TMEM232: variants seen among roughly 807,000 people sequenced by gnomAD.
TMEM232 encodes the protein transmembrane protein 232.
Under a neutral mutation model 78.8 loss-of-function variants are expected in TMEM232, and 80 were observed. The observed-to-expected ratio is 1.01, with a 90% CI of 0.85 to 1.22. TMEM232 has a LOEUF of 1.22. Among genes scored for constraint, TMEM232 ranks in the 50% most tolerant of loss-of-function variants. The probability of loss-of-function intolerance (pLI) is 0.00; values close to 1 mark genes in which losing one functional copy is unlikely to be tolerated. For synonymous variants in TMEM232, 297 were observed against 254.3 expected, an observed-to-expected ratio of 1.17 and a Z score of -1.60; for missense variants, 881 against 742.2, an observed-to-expected ratio of 1.19 and a Z score of -2.17.
chr5:110,428,528 T>C lies in TMEM232; in HGVS notation c.1704-3612A>G, dbSNP rs114579511. On this transcript the variant is annotated intron_variant, in intron 12 of 13. Transcript: ENST00000455884. ...CTGTGGGAGGTCTAGGAGCCTAACT[T>C]AGGTAAGTGACAACAGCAAACACAT... Among the ~76,000 whole-genome samples, 721 of 151,838 alleles carry C rather than the reference T, an allele frequency of 4.7e-3. 7 individuals carry two copies. Among genetic ancestry groups the C allele is most frequent in the African/African-American group, 0.016 (679 of 41,480 alleles).
At chr5:110,676,171 C>G (rs1054531927) in intron 1 of TMEM232, among the ~76,000 whole-genome samples, 16 of 152,198 alleles carry the variant, frequency 1.1e-4, no homozygotes, top group African/African-American at 3.9e-4. Context: ...ATTCCTCCAT[C>G]AATGGACACT....
chr5:110,507,380 C>T (rs1767033661), intron 12 of TMEM232, among the ~76,000 whole-genome samples: 1 of 152,174 alleles, frequency 6.6e-6, no homozygotes, highest in Non-Finnish European at 1.5e-5. Context: ...ATGATGATTG[C>T]TGCTGCCACT....
intron 10 of TMEM232, among the ~76,000 whole-genome samples, chr5:110,589,345 C>A (rs6881177): frequency 1.3e-5 from 2 of 151,960 alleles, no homozygotes; most frequent in African/African-American, 2.4e-5. Context: ...TTCTAGAAAA[C>A]GCCCAGGAAC....
chr5:110,656,782 G>A (rs554239561), intron 2 of TMEM232, among the ~76,000 whole-genome samples: 5 of 151,396 alleles, frequency 3.3e-5, no homozygotes, highest in Admixed American at 1.3e-4. Flanking sequence ...AGCTTGCAGT[G>A]AGCCGACACT....
chr5:110,621,855 G>C (rs1020266096), intron 7 of TMEM232, among the ~76,000 whole-genome samples: 6 of 152,090 alleles, frequency 3.9e-5, no homozygotes, highest in African/African-American at 1.2e-4. Flanking sequence ...ACTTTGAGAA[G>C]CCCACCTACA....
Position 110,643,989 on chromosome 5 carries a change from T to A in TMEM232, c.126-1618A>T, listed in dbSNP as rs147717344. ...ATTAATTCATTTACTAAGAATTTACTGACTGTCTTCTATATATCAGGCACT... is the reference window on the plus strand; with the variant it reads ...ATTAATTCATTTACTAAGAATTTACAGACTGTCTTCTATATATCAGGCACT... On this transcript the variant is annotated intron_variant, in intron 2 of 13. Transcript: ENST00000455884. Among the ~76,000 whole-genome samples, 1,181 of 152,124 alleles carry A rather than the reference T, an allele frequency of 7.8e-3. 13 individuals are homozygous for A. The highest frequency in any genetic ancestry group is 0.012 in the Non-Finnish European group (815 of 67,888).
chr5:110,727,971 C>A (rs1380476429), upstream of TMEM232, among the ~76,000 whole-genome samples: 1 of 151,970 alleles, frequency 6.6e-6, no homozygotes, highest in African/African-American at 2.4e-5. Context: ...TGGGGGCTTG[C>A]TTGTTTTAAT....
intron 1 of TMEM232, among the ~76,000 whole-genome samples, chr5:110,703,008 C>T (rs919496046): frequency 6.6e-6 from 1 of 152,010 alleles, no homozygotes; most frequent in Admixed American, 6.6e-5. Flanking sequence ...TAGAAGCCAT[C>T]CAATTACAAA....
intron 2 of TMEM232, among the ~76,000 whole-genome samples, chr5:110,409,501 T>G (rs1006200154): frequency 6.6e-6 from 1 of 152,236 alleles, no homozygotes; most frequent in Non-Finnish European, 1.5e-5. Context: ...TGAATGTGAT[T>G]CTTAGAAGCA....
chr5:110,693,313 T>A (rs1267271714), intron 1 of TMEM232, among the ~76,000 whole-genome samples: 1 of 152,110 alleles, frequency 6.6e-6, no homozygotes, highest in Non-Finnish European at 1.5e-5. Context: ...TACGTCACTA[T>A]CATCAAAGAC....
At chr5:110,521,397 T>C (rs1041748693) in intron 12 of TMEM232, among the ~76,000 whole-genome samples, 5 of 152,234 alleles carry the variant, frequency 3.3e-5, no homozygotes, top group African/African-American at 9.6e-5. Context: ...GCAAATATTT[T>C]CTCCTAATCT....
intron 2 of TMEM232, among the ~76,000 whole-genome samples, chr5:110,406,500 A>C (rs1307822071): frequency 6.6e-6 from 1 of 152,058 alleles, no homozygotes; most frequent in Non-Finnish European, 1.5e-5. Flanking sequence ...AATTAAAAAA[A>C]ACTGCAACCT....
chr5:110,553,667 A>G (rs982232317), intron 11 of TMEM232, among the ~76,000 whole-genome samples: 3 of 152,218 alleles, frequency 2.0e-5, no homozygotes, highest in East Asian at 1.9e-4. Flanking sequence ...ATATCATCTT[A>G]TAAGTAATTT....
At chr5:110,396,159 GGAGA>G (rs1344297533) in intron 3 of TMEM232, among the ~76,000 whole-genome samples, 1 of 152,102 alleles carries the variant, frequency 6.6e-6, no homozygotes, top group East Asian at 1.9e-4. Flanking sequence ...TATGGTGGCA[GGAGA>G]GAGAGAGAAT....
intron 10 of TMEM232, among the ~76,000 whole-genome samples, chr5:110,572,772 G>A (rs1267997758): frequency 6.6e-6 from 1 of 151,962 alleles, no homozygotes; most frequent in Non-Finnish European, 1.5e-5. Context: ...AATATTCACA[G>A]GGAGAATCAT....
chr5:110,682,019 A>C (rs1792814399), intron 1 of TMEM232, among the ~76,000 whole-genome samples: 1 of 152,174 alleles, frequency 6.6e-6, no homozygotes, highest in African/African-American at 2.4e-5. Context: ...AAAAATTTTA[A>C]CTTCTTCTGC....
At chr5:110,697,466 A>G (rs1794931228) in intron 1 of TMEM232, among the ~76,000 whole-genome samples, 1 of 152,216 alleles carries the variant, frequency 6.6e-6, no homozygotes, top group Non-Finnish European at 1.5e-5. Context: ...ATTAAACTGA[A>G]GAGCTTCTGC....
chr5:110,469,980 C>CA (rs572103151), intron 12 of TMEM232, among the ~76,000 whole-genome samples: 1 of 152,098 alleles, frequency 6.6e-6, no homozygotes, highest in Non-Finnish European at 1.5e-5. Context: ...TCCCTGCCCC[C>CA]CCGGAACCCC....
At chr5:110,694,098 C>T (rs981796533) in intron 1 of TMEM232, among the ~76,000 whole-genome samples, 8 of 151,986 alleles carry the variant, frequency 5.3e-5, no homozygotes, top group Admixed American at 2.0e-4. Flanking sequence ...AGACTAACAG[C>T]GGATCTCTCG....
Sources: gnomAD v4.1 joint callset for allele counts (sites outside exome capture counted in the v4.1 genomes callset) on GRCh38, gnomAD v4.1.1 for gene constraint, MANE v1.5 for transcripts, NCBI Gene and HGNC (gene_info 2026-07-23, HGNC 2026-07-21) for gene names.